Variants in AK8 observed in about 807,000 individuals in gnomAD.
AK8 encodes the protein ATP-AMP transphosphorylase 8.
AK8 carries 44 observed loss-of-function variants against 54.6 expected under a neutral mutation model. The observed-to-expected ratio is 0.81, with a 90% CI of 0.63 to 1.04. The LOEUF (loss-of-function observed/expected upper bound fraction) is 1.04. Ranked by LOEUF, AK8 falls within the 50% of genes least tolerant of loss-of-function variation. The probability of loss-of-function intolerance (pLI) is 0.00; values close to 1 mark genes in which losing one functional copy is unlikely to be tolerated. For missense variants in AK8, 555 were observed against 613.6 expected, an observed-to-expected ratio of 0.90 and a Z score of 1.01; for synonymous variants, 239 against 245.6, an observed-to-expected ratio of 0.97 and a Z score of 0.25.
At chr9:132,771,931 G>A (rs1256006401) in intron 11 of AK8, among the ~76,000 whole-genome samples, 2 of 152,182 alleles carry the variant, frequency 1.3e-5, no homozygotes, top group South Asian at 2.1e-4. Flanking sequence ...GGAGGAGCAA[G>A]TCACATCTTA....
intron 11 of AK8, among the ~76,000 whole-genome samples, chr9:132,745,217 G>A (rs570275797): frequency 3.3e-5 from 5 of 152,248 alleles, no homozygotes; most frequent in Admixed American, 6.5e-5. Context: ...AATGCGGGGC[G>A]GCTGTATAAT....
At chr9:132,751,396 A>C (rs1048920500) in intron 11 of AK8, among the ~76,000 whole-genome samples, 6 of 148,808 alleles carry the variant, frequency 4.0e-5, no homozygotes, top group Non-Finnish European at 7.4e-5. Flanking sequence ...AAAAAAAAAA[A>C]CAAAAAAAAC....
intron 11 of AK8, among the ~76,000 whole-genome samples, chr9:132,786,532 A>G (rs888122382): frequency 6.6e-6 from 1 of 152,170 alleles, no homozygotes; most frequent in African/African-American, 2.4e-5. Flanking sequence ...AGACTGCATG[A>G]GTCCTCTCTG....
At chr9:132,794,422 T>C (rs1309178045) in intron 10 of AK8, among the ~76,000 whole-genome samples, 2 of 152,092 alleles carry the variant, frequency 1.3e-5, no homozygotes, top group Admixed American at 6.5e-5. Flanking sequence ...TTCTCCCACA[T>C]CTTGCCTGGG....
At chr9:132,847,183 G>T (rs1262675676) in intron 5 of AK8, among the ~76,000 whole-genome samples, 1 of 152,208 alleles carries the variant, frequency 6.6e-6, no homozygotes, top group African/African-American at 2.4e-5. Context: ...AGCAGTTCCT[G>T]CTCAAGTTCC....
chr9:132,811,211 T>G (rs2131242285), intron 10 of AK8, among the ~76,000 whole-genome samples: 1 of 152,324 alleles, frequency 6.6e-6, no homozygotes, highest in South Asian at 2.1e-4. Context: ...TCCTAATCGC[T>G]GGCACCTGTG....
intron 11 of AK8, among the ~76,000 whole-genome samples, chr9:132,728,875 G>A (rs2130931793): frequency 6.6e-6 from 1 of 151,426 alleles, no homozygotes; most frequent in South Asian, 2.1e-4. Flanking sequence ...CCCTTTTTAG[G>A]GCAATGGAAC....
rs1018391078 is a variant in AK8, at chr9:132,799,637, C to A, written c.980-6862G>T. ...CACCACACACCCCCACACCCCTACA[C>A]CCCACCACGTGCACAACACATACTG... On this transcript the variant is annotated intron_variant, in intron 10 of 12. Transcript: ENST00000298545. The surrounding 1 kb of genome is among the most constrained non-coding windows in gnomAD (Gnocchi z 5.0). Among the ~76,000 whole-genome samples, 2 of 151,904 alleles carry A rather than the reference C, an allele frequency of 1.3e-5. No homozygotes were observed.
At chr9:132,789,597 CAAA>C (rs578003731) in intron 11 of AK8, among the ~76,000 whole-genome samples, 6 of 57,548 alleles carry the variant, frequency 1.0e-4, no homozygotes, top group South Asian at 1.1e-3. Flanking sequence ...ACTCATCTCA[CAAA>C]AAAAAAAAAA....
chr9:132,778,003 A>G (rs1839301282), intron 11 of AK8, among the ~76,000 whole-genome samples: 1 of 152,256 alleles, frequency 6.6e-6, no homozygotes, highest in Non-Finnish European at 1.5e-5. Context: ...GGAGCGCAGC[A>G]GGCCTTTGCT....
At chr9:132,783,391 T>G (rs1363512525) in intron 11 of AK8, among the ~76,000 whole-genome samples, 1 of 152,210 alleles carries the variant, frequency 6.6e-6, no homozygotes, top group Non-Finnish European at 1.5e-5. Flanking sequence ...AATAAATTTG[T>G]GTTGTTTTAA....
rs1357236078 is a variant in AK8, at chr9:132,791,669, C to T, written c.1121+965G>A. Among the ~76,000 whole-genome samples, 5 of 152,102 alleles carry T rather than the reference C, an allele frequency of 3.3e-5. No homozygotes were observed. Among genetic ancestry groups the T allele is most frequent in the Non-Finnish European group, 7.4e-5 (5 of 68,020 alleles). On this transcript the variant is annotated intron_variant, in intron 11 of 12. Transcript: ENST00000298545. This position sits in a 1 kb window ranked among gnomAD's most constrained non-coding sequence, Gnocchi z 4.0. ...ACTCAGAAAAGAGAAAGTTCAGAAA[C>T]AGGCCCAGTATATTGAGAGACTAAA...
At chr9:132,805,901 T>C (rs1031919590) in intron 10 of AK8, among the ~76,000 whole-genome samples, 2 of 151,978 alleles carry the variant, frequency 1.3e-5, no homozygotes, top group Admixed American at 6.6e-5. Context: ...TTCAAAAGCA[T>C]TGTCAGACCG....
chr9:132,836,397 C>T (rs898578476), intron 5 of AK8, among the ~76,000 whole-genome samples: 3 of 152,170 alleles, frequency 2.0e-5, no homozygotes, highest in Non-Finnish European at 4.4e-5. Context: ...TCTTCTTTTT[C>T]TCTACCTACT....
intron 4 of AK8, among the ~76,000 whole-genome samples, chr9:132,861,086 T>A (rs373911791): frequency 2.0e-5 from 3 of 152,340 alleles, no homozygotes; most frequent in East Asian, 3.9e-4. Flanking sequence ...CTTCTAGATA[T>A]TTTTATGAGA....
intron 11 of AK8, among the ~76,000 whole-genome samples, chr9:132,736,265 C>T (rs1057267390): frequency 1.5e-4 from 22 of 150,376 alleles, no homozygotes; most frequent in African/African-American, 5.1e-4. Context: ...TGGCTCACTG[C>T]AACCTCCGCC....
chr9:132,821,138 A>C (rs549177914), intron 9 of AK8, among the ~76,000 whole-genome samples: 2 of 152,032 alleles, frequency 1.3e-5, no homozygotes, highest in East Asian at 3.9e-4. Context: ...AAAAAAAAAA[A>C]ACCTTTTATT....
intron 11 of AK8, among the ~76,000 whole-genome samples, chr9:132,732,975 C>T (rs1171870373): frequency 6.6e-6 from 1 of 152,126 alleles, no homozygotes; most frequent in African/African-American, 2.4e-5. Context: ...TCTCCCGTGG[C>T]CTTGCTTCTC....
chr9:132,736,066 A>G (rs1837090299), intron 11 of AK8, among the ~76,000 whole-genome samples: 1 of 152,236 alleles, frequency 6.6e-6, no homozygotes, highest in Admixed American at 6.5e-5. Flanking sequence ...AACATAGAAA[A>G]GGCACAGTAA....
Sources: gnomAD v4.1 joint callset for allele counts (sites outside exome capture counted in the v4.1 genomes callset) on GRCh38, gnomAD v4.1.1 for gene constraint, Gnocchi (gnomAD v3.1) non-coding constraint, MANE v1.5 for transcripts, NCBI Gene and HGNC (gene_info 2026-07-23, HGNC 2026-07-21) for gene names.